Variants in ATP10B observed in about 807,000 individuals in gnomAD.
The protein encoded by ATP10B is phospholipid-transporting ATPase VB.
ATP10B carries 122 observed loss-of-function variants against 141.2 expected under a neutral mutation model. That is an observed-to-expected ratio of 0.86 (90% CI 0.75 to 1.00). The LOEUF is 1.00. Among genes scored for constraint, ATP10B ranks in the 50% least tolerant of loss-of-function variants. ATP10B has a pLI of 0.00. For missense variants in ATP10B, 1,876 were observed against 1,825.3 expected (o/e 1.03, Z -0.51); for synonymous variants, 685 against 692.0 (o/e 0.99, Z 0.16).
At position 160,565,446 on chromosome 5, in the gene ATP10B, C is replaced by G; in HGVS notation, c.*7G>C. Reference sequence around the variant, plus strand: ...TCTGTTGAGTTTGTACAGATTTCTGCAGCTCCTCATATGGTCAGTGAACTC... The same window carrying G: ...TCTGTTGAGTTTGTACAGATTTCTGGAGCTCCTCATATGGTCAGTGAACTC... On this transcript the variant is annotated 3_prime_UTR_variant, in exon 26 of 26. Transcript: ENST00000327245. 1 of 1,612,954 alleles carries G rather than the reference C, an allele frequency of 6.2e-7. No individual in the cohort carries two copies. Among genetic ancestry groups the G allele is most frequent in the Non-Finnish European group, 8.5e-7 (1 of 1,179,284 alleles).
intron 2 of ATP10B, among the ~76,000 whole-genome samples, chr5:160,761,871 A>G (rs1376582009): frequency 6.6e-6 from 1 of 152,230 alleles, no homozygotes; most frequent in Non-Finnish European, 1.5e-5. Flanking sequence ...CCAGAGAAAT[A>G]GATATCACAA....
At chr5:160,582,809 C>T (rs1196717514) in intron 24 of ATP10B, among the ~76,000 whole-genome samples, 1 of 151,334 alleles carries the variant, frequency 6.6e-6, no homozygotes, top group Non-Finnish European at 1.5e-5. Context: ...ATCTTGTCTT[C>T]AAGCTTTCTC....
At chr5:160,802,546 C>T (rs1772446487) in intron 1 of ATP10B, among the ~76,000 whole-genome samples, 1 of 152,328 alleles carries the variant, frequency 6.6e-6, no homozygotes, top group African/African-American at 2.4e-5. Context: ...TCCCACCAGT[C>T]ATCTCCCCAA....
At position 160,690,320 on chromosome 5, in the gene ATP10B, C is replaced by T. The variant is rs183395334; in HGVS notation, c.-204-1377G>A. On this transcript the variant is annotated intron_variant, in intron 3 of 25. Coordinates refer to ENST00000327245, the MANE Select transcript of ATP10B (RefSeq NM_025153.3). ...GGCAAAGACTTCATGACTAAAACAC[C>T]AAAAGCAATGGCAACAAAAGCCAAA... is the stretch of plus-strand genomic sequence containing the variant. Among the ~76,000 whole-genome samples the T allele has an allele frequency of 5.3e-4, 80 of 152,184 alleles. 1 individual carries two copies. Among genetic ancestry groups the T allele is most frequent in the Admixed American group, 5.2e-3 (80 of 15,298 alleles).
chr5:160,606,028 T>C (rs1052227537), intron 19 of ATP10B, among the ~76,000 whole-genome samples: 1 of 152,160 alleles, frequency 6.6e-6, no homozygotes, highest in Non-Finnish European at 1.5e-5. Context: ...ACAAGGCCCA[T>C]GGAGAATGGT....
At chr5:160,839,860 G>T (rs1190620695) in intron 1 of ATP10B, among the ~76,000 whole-genome samples, 1 of 151,892 alleles carries the variant, frequency 6.6e-6, no homozygotes, top group Admixed American at 6.6e-5. Context: ...GGACAAAGTA[G>T]AAAACAGCAT....
chr5:160,781,819 G>C (rs956605751), intron 2 of ATP10B, among the ~76,000 whole-genome samples: 1 of 152,024 alleles, frequency 6.6e-6, no homozygotes, highest in African/African-American at 2.4e-5. Context: ...ATCAAATGCT[G>C]GCCATAAAAA....
Position 160,746,479 on chromosome 5 carries a change from C to A in ATP10B, c.-330-29445G>T, listed in dbSNP as rs187346801. Among the ~76,000 whole-genome samples the A allele has an allele frequency of 8.7e-4, 132 of 151,812 alleles. 1 individual carries two copies. The highest frequency in any genetic ancestry group is 3.1e-3 in the African/African-American group (128 of 41,380). ...TGATCTTGGCTCACTGCAATCTCTG[C>A]CTCCCAGGTTCAAGTGATTCTCATA... On this transcript the variant is annotated intron_variant, in intron 2 of 25. Transcript: ENST00000327245.
At chr5:160,918,848 A>G in the ATP10B span, among the ~76,000 whole-genome samples, 1 of 152,172 alleles carries the variant, frequency 6.6e-6, no homozygotes, top group African/African-American at 2.4e-5. Context: ...GGCACAACTT[A>G]AGTGAAAGCT....
chr5:160,862,620 A>G, the ATP10B span, among the ~76,000 whole-genome samples: 1 of 151,948 alleles, frequency 6.6e-6, no homozygotes, highest in African/African-American at 2.4e-5. Flanking sequence ...CATAATAATT[A>G]TGTAGAGCCA....
intron 21 of ATP10B, among the ~76,000 whole-genome samples, chr5:160,600,306 T>C (rs1266852665): frequency 6.6e-6 from 1 of 152,214 alleles, no homozygotes; most frequent in Non-Finnish European, 1.5e-5. Context: ...AGTGGTACAA[T>C]CAGCATCTGA....
At chr5:160,754,307 G>C (rs1199258972) in intron 2 of ATP10B, among the ~76,000 whole-genome samples, 1 of 152,124 alleles carries the variant, frequency 6.6e-6, no homozygotes, top group Non-Finnish European at 1.5e-5. Context: ...CTCAAGAAGA[G>C]ACTTTCTGGG....
chr5:160,704,914 C>CTTTTTTTTATTTT (rs1764897184), intron 3 of ATP10B, among the ~76,000 whole-genome samples: 1 of 83,624 alleles, frequency 1.2e-5, no homozygotes, highest in Non-Finnish European at 2.0e-5. Flanking sequence ...TTTCTTTCAT[C>CTTTTTTTTATTTT]TTTTTTTTTT....
At chr5:160,766,334 G>C (rs1049821325) in intron 2 of ATP10B, among the ~76,000 whole-genome samples, 7 of 117,112 alleles carry the variant, frequency 6.0e-5, no homozygotes, top group Non-Finnish European at 9.2e-5. Context: ...AGTGGATAAA[G>C]AGAACACACA....
chr5:160,903,505 A>G, the ATP10B span, among the ~76,000 whole-genome samples: 5 of 152,220 alleles, frequency 3.3e-5, no homozygotes, highest in Admixed American at 2.0e-4. Flanking sequence ...TACTCTGTAA[A>G]TGGAAAACTT....
the ATP10B span, among the ~76,000 whole-genome samples, chr5:160,865,074 C>T: frequency 6.6e-6 from 1 of 151,788 alleles, no homozygotes; most frequent in Non-Finnish European, 1.5e-5. Flanking sequence ...AAAAGACAAT[C>T]CTAGAATTCA....
chr5:160,582,972 A>C (rs1487367175), intron 24 of ATP10B, among the ~76,000 whole-genome samples: 1 of 152,106 alleles, frequency 6.6e-6, no homozygotes, highest in Non-Finnish European at 1.5e-5. Context: ...TTAGTTAGCC[A>C]TCCCTCTAAT....
chr5:160,715,314 G>C (rs1306419457), intron 3 of ATP10B, among the ~76,000 whole-genome samples: 2 of 130,986 alleles, frequency 1.5e-5, no homozygotes, highest in East Asian at 2.2e-4. Context: ...ATATAGTCTC[G>C]TGGTGCGCCG....
chr5:160,849,177 G>A (rs140219416), intron 1 of ATP10B, among the ~76,000 whole-genome samples: 282 of 152,294 alleles, frequency 1.9e-3, no homozygotes, highest in African/African-American at 6.6e-3. Context: ...TAGCATGTGT[G>A]TGAAGATTTC....
Sources: gnomAD v4.1 joint callset for allele counts (sites outside exome capture counted in the v4.1 genomes callset) on GRCh38, gnomAD v4.1.1 for gene constraint, MANE v1.5 for transcripts, NCBI Gene and HGNC (gene_info 2026-07-23, HGNC 2026-07-21) for gene names.